TRIM68: variants seen among roughly 807,000 people sequenced by gnomAD.
TRIM68 encodes tripartite motif containing 68.
Under a neutral mutation model 41.9 loss-of-function variants are expected in TRIM68, and 36 were observed. The ratio of observed to expected loss-of-function variants is 0.86; its 90% CI spans 0.66 to 1.14. The LOEUF (loss-of-function observed/expected upper bound fraction) is 1.14, where lower values mean the gene tolerates loss of function less well. Ranked by LOEUF, TRIM68 falls within the 50% of genes most tolerant of loss-of-function variation. The pLI, the probability that TRIM68 is intolerant of heterozygous loss-of-function variation, is 0.00. For missense variants in TRIM68, 632 were observed against 605.1 expected, an observed-to-expected ratio of 1.04 and a Z score of -0.47; for synonymous variants, 225 against 224.6, an observed-to-expected ratio of 1.00 and a Z score of -0.02.
chr11:4,603,334 G>C lies in TRIM68; in HGVS notation c.433C>G (p.Leu145Val), dbSNP rs1372834190. The change falls in exon 3 of 7, where the codon CTT (leucine) becomes GTT (valine). Residue 145 changes from leucine (L) to valine (V), a missense_variant. Physicochemically the swap from Leu to Val is conservative, Grantham distance 32. Transcript: ENST00000300747. ...TTCAGATGTTCGAGGGCCTCATGAAGTTCCCACTGCAAGAGACAAAACCCT... is the reference window on the plus strand; with the variant it reads ...TTCAGATGTTCGAGGGCCTCATGAACTTCCCACTGCAAGAGACAAAACCCT... ...EDVAWEYKWE[L>V]HEALEHLKKE... 6.2e-7 allele frequency: 1 copy of C among 1,614,006 alleles called. No homozygotes were observed. Among genetic ancestry groups the C allele is most frequent in the Non-Finnish European group, 8.5e-7 (1 of 1,180,024 alleles).
At chr11:4,602,030 G>A (rs1846497396) in intron 4 of TRIM68, 122 bp downstream of exon 4, 2 of 1,413,750 alleles carry the variant, frequency 1.4e-6, no homozygotes, top group African/African-American at 1.4e-5. Flanking sequence ...GGGAAACACA[G>A]GATCCATGAC....
rs1169285831 is a variant in TRIM68, at chr11:4,600,489, G to T, written c.1245C>A (p.Ser415=). The change falls in exon 7 of 7, where the codon TCC becomes TCA. Residue 415 remains serine (S), a synonymous_variant. Transcript: ENST00000300747. ...RAGTDEYPIL[S]LPVPPRRVGI... Reference sequence around the variant, plus strand: ...CCACCCGGCGAGGAGGGACCGGCAAGGACAGGATTGGGTACTCATCGGTGC... The same window carrying T: ...CCACCCGGCGAGGAGGGACCGGCAATGACAGGATTGGGTACTCATCGGTGC... 2 of 1,613,626 alleles carry T rather than the reference G, an allele frequency of 1.2e-6. No individual in the cohort carries two copies. Among genetic ancestry groups the T allele is most frequent in the Admixed American group, 3.3e-5 (2 of 59,988 alleles).
chr11:4,600,626 A>G lies in TRIM68; in HGVS notation c.1108T>C (p.Trp370Arg), dbSNP rs1165460404. The change falls in exon 7 of 7, where the codon TGG becomes CGG. Residue 370 changes from tryptophan (W) to arginine (R), a missense_variant. Coordinates refer to ENST00000300747, the MANE Select transcript of TRIM68 (RefSeq NM_018073.8). ...WEVEVGDRSE[W>R]GLGVCKQNVD... ...TTTTGCTTACATACTCCCAGGCCCC[A>G]CTCAGACCTGTCTCCCACCTCCACC... is the stretch of plus-strand genomic sequence containing the variant. The G allele has an allele frequency of 3.1e-6, 5 of 1,613,782 alleles. No individual in the cohort carries two copies. The highest frequency in any genetic ancestry group is 4.2e-6 in the Non-Finnish European group (5 of 1,179,994).
In TRIM68 at chr11:4,602,179, C is replaced by T. The variant is rs201878459; in HGVS notation, c.756G>A (p.Ser252=). The part of the protein sequence containing the change: ...WRMIAELKER[S]QRPVRWMLQD... ...GCAACATCCAGCGGACAGGCCTCTG[C>T]GACCTCTCTTTCAACTCTGCAATCA... is the stretch of plus-strand genomic sequence containing the variant. The change falls in exon 4 of 7, where the codon TCG becomes TCA. Residue 252 remains serine (S), a synonymous_variant. Transcript: ENST00000300747. 8 of 1,614,010 alleles carry T rather than the reference C, an allele frequency of 5.0e-6. No homozygotes were observed. The highest frequency in any genetic ancestry group is 2.2e-5 in the East Asian group (1 of 44,882).
At chr11:4,607,040 C>T (rs563946180) in intron 1 of TRIM68, among the ~76,000 whole-genome samples, 2 of 152,158 alleles carry the variant, frequency 1.3e-5, no homozygotes, top group Non-Finnish European at 2.9e-5. Flanking sequence ...TCCTGGCTCC[C>T]GGTTAACAAG....
chr11:4,603,339 C>T lies in TRIM68; in HGVS notation c.428G>A (p.Trp143Ter), dbSNP rs1257336681. The change falls in exon 3 of 7, where the codon TGG (tryptophan) becomes TAG (stop). Residue 143 changes from tryptophan (W) to a stop codon, truncating the protein, a stop_gained and splice_region_variant. Coordinates refer to ENST00000300747, the MANE Select transcript of TRIM68 (RefSeq NM_018073.8). LOFTEE classifies it high-confidence loss of function. Reference protein sequence around the residue: ...PMEDVAWEYKWELHEALEHLK... With the variant: ...PMEDVAWEYK ...ATGTTCGAGGGCCTCATGAAGTTCCCACTGCAAGAGACAAAACCCTCATGA... is the reference window on the plus strand; with the variant it reads ...ATGTTCGAGGGCCTCATGAAGTTCCTACTGCAAGAGACAAAACCCTCATGA... 6.2e-7 allele frequency: 1 copy of T among 1,614,112 alleles called. No homozygotes were observed.
In TRIM68 at chr11:4,600,805, T is replaced by C; in HGVS notation, c.929A>G (p.Asp310Gly). ...TYAADVRLDP[D>G]TAYSRLIVSE... ...CACGATGAGACGGGAGTAAGCAGTATCTGGATCCAAGCGCACATCAGCTAG... is the reference window on the plus strand; with the variant it reads ...CACGATGAGACGGGAGTAAGCAGTACCTGGATCCAAGCGCACATCAGCTAG... Residue 310 changes from aspartate (D) to glycine (G), a missense_variant, in exon 7 of 7, where the codon GAT (aspartate) becomes GGT (glycine). Coordinates refer to ENST00000300747, the MANE Select transcript of TRIM68 (RefSeq NM_018073.8). 1 of 1,613,630 alleles carries C rather than the reference T, an allele frequency of 6.2e-7. No homozygotes were observed. Among genetic ancestry groups the C allele is most frequent in the Non-Finnish European group, 8.5e-7 (1 of 1,179,616 alleles).
intron 2 of TRIM68, among the ~76,000 whole-genome samples, chr11:4,604,136 T>C (rs1207716439): frequency 6.6e-6 from 1 of 152,210 alleles, no homozygotes; most frequent in Admixed American, 6.5e-5. Context: ...CTAGCTCCCT[T>C]TTCTAATAGT....
At chr11:4,603,451 G>A in intron 2 of TRIM68, 111 bp from the exon 3 acceptor site, 1 of 912,080 alleles carries the variant, frequency 1.1e-6, no homozygotes, top group Non-Finnish European at 1.7e-6. Context: ...AGTGAAGGCT[G>A]TGGGGAAAGG....
In TRIM68 at chr11:4,600,751, C is replaced by T. The variant is rs543959206; in HGVS notation, c.983G>A (p.Gly328Glu). ...VSEDRKRVHY[G>E]DTNQKLPDNP... is the part of the protein sequence containing the mutation. The stretch of plus-strand genomic sequence containing the variant: ...GTCTGGCAGTTTCTGGTTGGTGTCT[C>T]CATAGTGCACACGTTTTCTGTCCTC... Residue 328 changes from glycine to glutamate, a missense_variant, in exon 7 of 7, where the codon GGA becomes GAA. Gly to Glu is a moderately conservative substitution (Grantham distance 98). Transcript: ENST00000300747. 1.4e-5 allele frequency: 22 copies of T among 1,614,146 alleles called. No individual in the cohort carries two copies. The South Asian group carries it at 2.3e-4, about 17-fold the overall frequency.
chr11:4,606,149 C>T (rs1269539643), intron 1 of TRIM68, among the ~76,000 whole-genome samples: 1 of 152,228 alleles, frequency 6.6e-6, no homozygotes, highest in Non-Finnish European at 1.5e-5. Context: ...TGCTCCAGCA[C>T]TAATGTACTT....
chr11:4,601,977 G>T, intron 4 of TRIM68, 175 bp downstream of exon 4: 1 of 971,090 alleles, frequency 1.0e-6, no homozygotes, highest in Non-Finnish European at 1.5e-6. Context: ...AACAGACCAG[G>T]TCATCCACCA....
intron 2 of TRIM68, among the ~76,000 whole-genome samples, chr11:4,604,720 C>G (rs1156268435): frequency 6.6e-6 from 1 of 152,234 alleles, no homozygotes; most frequent in African/African-American, 2.4e-5. Flanking sequence ...GTTTGCAGGT[C>G]AGGTGTAGCC....
In TRIM68 at chr11:4,600,307, A is replaced by C; in HGVS notation, c.1427T>G (p.Leu476Arg). The stretch of plus-strand genomic sequence containing the variant: ...CTCCCCATCCAGGGAGCAGATGGCC[A>C]GAGGAGCAGTGTTGTTGGTTCCAAT... ...YSIGTNNTAPLAICSLDGED is the reference protein window; with the variant it reads ...YSIGTNNTAPRAICSLDGED The change falls in exon 7 of 7, where the codon CTG becomes CGG. Residue 476 changes from leucine to arginine, a missense_variant. Leu to Arg is a moderately radical substitution (Grantham distance 102, BLOSUM62 -2). Transcript: ENST00000300747. The C allele has an allele frequency of 6.3e-7, 1 of 1,597,250 alleles. No homozygotes were observed.
Position 4,600,730 on chromosome 11 carries a change from G to A in TRIM68, c.1004C>T (p.Pro335Leu). 1 of 1,614,156 alleles carries A rather than the reference G, an allele frequency of 6.2e-7. No individual in the cohort carries two copies. Among genetic ancestry groups the A allele is most frequent in the Non-Finnish European group, 8.5e-7 (1 of 1,180,038 alleles). Residue 335 changes from proline (P) to leucine (L), a missense_variant, in exon 7 of 7, where the codon CCA becomes CTA. By Grantham distance (98) the Pro-to-Leu change is moderately conservative. Coordinates refer to ENST00000300747, the MANE Select transcript of TRIM68 (RefSeq NM_018073.8). Reference protein sequence around the residue: ...VHYGDTNQKLPDNPERFYRYN... With the variant: ...VHYGDTNQKLLDNPERFYRYN... ...GCGGTAAAATCTCTCAGGATTGTCT[G>A]GCAGTTTCTGGTTGGTGTCTCCATA... is the stretch of plus-strand genomic sequence containing the variant.
Position 4,601,081 on chromosome 11 carries a change from A to T in TRIM68, c.853T>A (p.Leu285Met), listed in dbSNP as rs370298619. 7.4e-6 allele frequency: 12 copies of T among 1,613,798 alleles called. No homozygotes were observed. Among genetic ancestry groups the T allele is most frequent in the Admixed American group, 6.7e-5 (4 of 59,980 alleles). The part of the protein sequence containing the change: ...LQQPEPISLE[L>M]KTDCRVLGLR... ...CCCAGCACACGGCAATCTGTCTTCA[A>T]CTCCAGGGAGATTGGTTCTGGCTGC... Residue 285 changes from leucine to methionine, a missense_variant, in exon 6 of 7, where the codon TTG (leucine) becomes ATG (methionine). Transcript: ENST00000300747.
chr11:4,604,747 G>C (rs1486185510), intron 2 of TRIM68, among the ~76,000 whole-genome samples: 1 of 152,182 alleles, frequency 6.6e-6, no homozygotes, highest in African/African-American at 2.4e-5. Flanking sequence ...ATCTATATAA[G>C]AGCCTCATGC....
chr11:4,601,455 A>G (rs1846488378), intron 5 of TRIM68: 1 of 605,002 alleles, frequency 1.7e-6, no homozygotes, highest in African/African-American at 1.8e-5. Context: ...TTACAGCTTC[A>G]CTTGATATAC....
intron 5 of TRIM68, 48 bp downstream of exon 5, chr11:4,601,616 C>G: frequency 6.2e-7 from 1 of 1,610,406 alleles, no homozygotes; most frequent in Non-Finnish European, 8.5e-7. Flanking sequence ...AGTTAGGCCT[C>G]ACTATCCCCT....
Sources: allele counts gnomAD v4.1 joint callset (sites outside exome capture counted in the v4.1 genomes callset), GRCh38; gene constraint gnomAD v4.1.1; transcripts MANE v1.5; gene names NCBI Gene and HGNC (gene_info 2026-07-23, HGNC 2026-07-21).